Variants in AK7 observed in about 807,000 individuals in gnomAD.
The protein encoded by AK7 is adenylate kinase 7.
AK7 carries 78 observed loss-of-function variants against 96.6 expected under a neutral mutation model. That is an observed-to-expected ratio of 0.81 (90% CI 0.67 to 0.97). The LOEUF is 0.97. AK7 is among the 50% of genes least tolerant of loss of function. AK7 has a pLI of 0.00. For missense variants in AK7, 855 were observed against 887.9 expected (o/e 0.96, Z 0.47); for synonymous variants, 302 against 317.2 (o/e 0.95, Z 0.51).
In AK7 at chr14:96,489,065, G is replaced by T. The variant is rs746165510; in HGVS notation, c.*722G>T. ...TTTTCCAGTTCTAAAAATCCCATAA[G>T]ATTCCTAGAATTACCCTAAATGAGA... On this transcript the variant is annotated 3_prime_UTR_variant, in exon 18 of 18. Coordinates refer to ENST00000267584, the MANE Select transcript of AK7 (RefSeq NM_152327.5). 5 of 152,122 alleles carry T rather than the reference G, an allele frequency of 3.3e-5. No individual in the cohort carries two copies. Among genetic ancestry groups the T allele is most frequent in the African/African-American group, 4.8e-5 (2 of 41,414 alleles). 9.4% of individuals were successfully genotyped at this position (152,122 alleles called of 1,614,324 possible).
intron 16 of AK7, among the ~76,000 whole-genome samples, chr14:96,484,983 TG>T (rs966133906): frequency 5.9e-5 from 9 of 152,296 alleles, no homozygotes; most frequent in South Asian, 4.1e-4. Flanking sequence ...CATCTTTGGG[TG>T]CCTGATTAAT....
At chr14:96,465,781 G>A (rs377645274) in intron 12 of AK7, among the ~76,000 whole-genome samples, 1 of 152,086 alleles carries the variant, frequency 6.6e-6, no homozygotes, top group African/African-American at 2.4e-5. Context: ...GGAGGCCGAG[G>A]CAGGCAGATC....
rs777087390 is a variant in AK7 at position 96,420,974 on chromosome 14, T to G, written c.609+42T>G. The G allele has an allele frequency of 3.4e-5, 46 of 1,354,986 alleles. No individual in the cohort carries two copies. The African/African-American group carries it at 5.7e-4, about 17-fold the overall frequency. 83.9% of individuals were successfully genotyped at this position (1,354,986 alleles called of 1,614,324 possible). On this transcript the variant is annotated intron_variant, in intron 5 of 17. Coordinates refer to ENST00000267584, the MANE Select transcript of AK7 (RefSeq NM_152327.5). Reference sequence around the variant, plus strand: ...GGAACATGGACATCATCTGAAGTCTTTAAACATCTCTTTGTGTGGTTTCCT... The same window carrying G: ...GGAACATGGACATCATCTGAAGTCTGTAAACATCTCTTTGTGTGGTTTCCT...
intron 15 of AK7, among the ~76,000 whole-genome samples, chr14:96,481,654 A>G (rs1337756557): frequency 6.6e-6 from 1 of 150,506 alleles, no homozygotes; most frequent in Non-Finnish European, 1.5e-5. Context: ...TGAGAAATGC[A>G]TTTAAATGTC....
chr14:96,472,389 A>T (rs535604488), intron 13 of AK7, among the ~76,000 whole-genome samples: 1 of 152,342 alleles, frequency 6.6e-6, no homozygotes, highest in South Asian at 2.1e-4. Context: ...TCCTGGCTTC[A>T]GGTGATCCTA....
At chr14:96,395,865 A>G (rs1308655918) in intron 1 of AK7, among the ~76,000 whole-genome samples, 1 of 115,044 alleles carries the variant, frequency 8.7e-6, no homozygotes, top group East Asian at 2.7e-4. Flanking sequence ...AGGCTGGAGT[A>G]CAGTAGCATG....
At chr14:96,462,696 A>G (rs1207615993) in intron 12 of AK7, among the ~76,000 whole-genome samples, 2 of 152,240 alleles carry the variant, frequency 1.3e-5, no homozygotes, top group Non-Finnish European at 2.9e-5. Flanking sequence ...GTTTCAAAAT[A>G]AAAAGGGGAA....
At position 96,472,705 on chromosome 14, in the gene AK7, A is replaced by C; in HGVS notation, c.1505A>C (p.Glu502Ala). ...DLFNQEDEEE[E>A]DDVRGRMFPF... ...TTCTTAGAGGAAGATGAGGAGGAGG[A>C]AGATGATGTCAGAGGCAGAATGTTT... Residue 502 changes from glutamate to alanine, a missense_variant, in exon 14 of 18, where the codon GAA becomes GCA. Glu to Ala is a moderately radical substitution (Grantham distance 107). Transcript: ENST00000267584. The C allele has an allele frequency of 6.2e-7, 1 of 1,613,120 alleles. No individual in the cohort carries two copies.
chr14:96,394,058 G>T (rs1224950931), intron 1 of AK7, among the ~76,000 whole-genome samples: 1 of 151,462 alleles, frequency 6.6e-6, no homozygotes, highest in African/African-American at 2.4e-5. Context: ...GCAGTGAGCC[G>T]AGATTGCACC....
chr14:96,467,103 G>T (rs1032128033), intron 12 of AK7, among the ~76,000 whole-genome samples: 1 of 147,828 alleles, frequency 6.8e-6, no homozygotes, highest in African/African-American at 2.5e-5. Flanking sequence ...CCAGTTAAAA[G>T]TCCACTAGAG....
chr14:96,465,604 A>C (rs1237573060), intron 12 of AK7, among the ~76,000 whole-genome samples: 2 of 152,238 alleles, frequency 1.3e-5, no homozygotes, highest in Non-Finnish European at 2.9e-5. Context: ...TTAATGCCAA[A>C]AAGCTTTTAT....
intron 1 of AK7, among the ~76,000 whole-genome samples, chr14:96,394,980 A>G (rs925302697): frequency 6.6e-6 from 1 of 152,232 alleles, no homozygotes; most frequent in Non-Finnish European, 1.5e-5. Context: ...TGCCAAAAAA[A>G]GAGATACAGA....
chr14:96,428,097 A>C (rs1892133677), intron 5 of AK7, among the ~76,000 whole-genome samples: 1 of 152,066 alleles, frequency 6.6e-6, no homozygotes, highest in Non-Finnish European at 1.5e-5. Context: ...ATTTCTCCTA[A>C]TGCTATCCTT....
At chr14:96,467,293 A>G (rs1397090175) in intron 12 of AK7, among the ~76,000 whole-genome samples, 1 of 150,996 alleles carries the variant, frequency 6.6e-6, no homozygotes, top group Non-Finnish European at 1.5e-5. Context: ...CAAATTGAAG[A>G]TTCCAAAATT....
intron 7 of AK7, among the ~76,000 whole-genome samples, chr14:96,443,118 G>C (rs533363138): frequency 6.6e-6 from 1 of 152,336 alleles, no homozygotes; most frequent in South Asian, 2.1e-4. Flanking sequence ...TGTACATTCT[G>C]AGGACGTAGT....
intron 11 of AK7, chr14:96,456,891 A>G (rs1439819576): frequency 2.5e-5 from 5 of 200,914 alleles, no homozygotes; most frequent in Non-Finnish European, 4.1e-5. Flanking sequence ...CCCCGGAGCC[A>G]CAGTGTCCTG....
intron 7 of AK7, among the ~76,000 whole-genome samples, chr14:96,446,242 A>G (rs1363652015): frequency 6.6e-6 from 1 of 152,166 alleles, no homozygotes; most frequent in East Asian, 1.9e-4. Flanking sequence ...TAGAAAGAAG[A>G]CAGGTCCAGA....
chr14:96,436,328 G>A (rs938634242), intron 5 of AK7, among the ~76,000 whole-genome samples: 1 of 152,098 alleles, frequency 6.6e-6, no homozygotes, highest in Non-Finnish European at 1.5e-5. Flanking sequence ...CTTCCCACAA[G>A]AGCCTGAGTA....
chr14:96,419,067 A>T (rs1390962041), intron 4 of AK7, among the ~76,000 whole-genome samples: 1 of 152,222 alleles, frequency 6.6e-6, no homozygotes, highest in Admixed American at 6.5e-5. Context: ...GTAGGTTTTA[A>T]CATAGTTATT....
Sources: gnomAD v4.1 joint callset for allele counts (sites outside exome capture counted in the v4.1 genomes callset) on GRCh38, gnomAD v4.1.1 for gene constraint, MANE v1.5 for transcripts, NCBI Gene and HGNC (gene_info 2026-07-23, HGNC 2026-07-21) for gene names.